The following PRCC variants were observed in gnomAD, a reference collection of about 807,000 sequenced individuals.
PRCC encodes proline-rich protein PRCC.
A neutral mutation model predicts 44.0 loss-of-function variants in PRCC; 10 were observed. The observed-to-expected ratio is 0.23, with a 90% CI of 0.14 to 0.39. The LOEUF (loss-of-function observed/expected upper bound fraction) is 0.39. Ranked by LOEUF, PRCC falls within the 10% of genes least tolerant of loss-of-function variation. PRCC has a pLI of 1.00. For synonymous variants in PRCC, 278 were observed against 259.5 expected (o/e 1.07, Z -0.69); for missense variants, 573 against 624.7 (o/e 0.92, Z 0.88).
Position 156,787,450 on chromosome 1 carries a change from GATATATATATATATAT to G in PRCC, c.1083+309_1083+324del, listed in dbSNP as rs57206380. Among the ~76,000 whole-genome samples the G allele has an allele frequency of 1.1e-3, 142 of 124,922 alleles. 2 individuals carry two copies. The highest frequency in any genetic ancestry group is 4.3e-3 in the African/African-American group (131 of 30,820). 82.0% of individuals were successfully genotyped at this position (124,922 alleles called of 152,430 possible). A position where few individuals can be genotyped will look rare whatever the true frequency, so the allele number is the denominator to read the frequency against. ...ATAATATTTGTACATATTTGTGATT[GATATATATATATATAT>G]ATATATATATATATATATATATATA... On this transcript the variant is annotated intron_variant, in intron 3 of 6. Transcript: ENST00000271526.
At chr1:156,788,501 T>C (rs1652355584) in intron 3 of PRCC, among the ~76,000 whole-genome samples, 2 of 152,206 alleles carry the variant, frequency 1.3e-5, no homozygotes, top group Admixed American at 6.5e-5. Context: ...TTATATTCCT[T>C]TGGGTATATA....
chr1:156,786,747 GA>G lies in PRCC; in HGVS notation c.657del (p.Arg219SerfsTer38). ...SDGSPDTKPS[R>X]LASKTKTSSL... is the part of the protein sequence containing the mutation. ...GGCTCCCCTGATACTAAGCCCTCCA[GA>G]CTGGCTTCTAAGACCAAGACTTCCT... On this transcript the variant is annotated frameshift_variant, in exon 3 of 7. Coordinates refer to ENST00000271526, the MANE Select transcript of PRCC (RefSeq NM_005973.5). LOFTEE classifies it high-confidence loss of function. 1 of 1,614,186 alleles carries G rather than the reference GA, an allele frequency of 6.2e-7. No homozygotes were observed. Among genetic ancestry groups the G allele is most frequent in the Non-Finnish European group, 8.5e-7 (1 of 1,180,036 alleles).
chr1:156,787,888 G>C (rs550222578), intron 3 of PRCC, among the ~76,000 whole-genome samples: 76 of 151,958 alleles, frequency 5.0e-4, no homozygotes, highest in African/African-American at 1.8e-3. Flanking sequence ...CTGGAGTGCA[G>C]TGGCACGATC....
intron 1 of PRCC, among the ~76,000 whole-genome samples, chr1:156,775,260 G>A (rs1558046460): frequency 6.6e-6 from 1 of 151,822 alleles, no homozygotes; most frequent in African/African-American, 2.4e-5. Flanking sequence ...AAAAAAAATT[G>A]TTTTTGTGTG....
At chr1:156,798,684 GTC>G (rs1244421667) in intron 6 of PRCC, among the ~76,000 whole-genome samples, 2 of 151,930 alleles carry the variant, frequency 1.3e-5, no homozygotes, top group Non-Finnish European at 2.9e-5. Flanking sequence ...GTGAAACCCT[GTC>G]TCTACTAAAA....
intron 5 of PRCC, 45 bp from the exon 6 acceptor site, chr1:156,797,231 T>G: frequency 1.2e-6 from 2 of 1,612,172 alleles, no homozygotes; most frequent in Non-Finnish European, 1.7e-6. Flanking sequence ...GAGAAACTTC[T>G]GCTTTCATCC....
intron 1 of PRCC, among the ~76,000 whole-genome samples, chr1:156,779,116 ATATATATATATATTTTTTTTTTTTTTT>A (rs1180414130): frequency 2.1e-4 from 4 of 18,702 alleles, no homozygotes; most frequent in Admixed American, 7.2e-4. Flanking sequence ...ATATATATAT[ATATATATATATATTTTTTTTTTTTTTT>A]TTTTTTTTTT....
intron 2 of PRCC, among the ~76,000 whole-genome samples, chr1:156,784,006 G>A (rs1298275533): frequency 6.6e-6 from 1 of 151,626 alleles, no homozygotes; most frequent in African/African-American, 2.4e-5. Flanking sequence ...GAGTGCAGTG[G>A]TGCGATCTTG....
intron 1 of PRCC, among the ~76,000 whole-genome samples, chr1:156,779,151 T>C (rs1029783535): frequency 1.4e-4 from 12 of 87,664 alleles, no homozygotes; most frequent in Non-Finnish European, 2.1e-4. Flanking sequence ...TTTTTTTTTT[T>C]TTTTTTTTCT....
intron 2 of PRCC, among the ~76,000 whole-genome samples, chr1:156,783,608 TG>T (rs1276457743): frequency 1.3e-5 from 2 of 152,046 alleles, no homozygotes; most frequent in East Asian, 3.9e-4. Context: ...TAGCCAGGCG[TG>T]GTGACAGGTG....
At chr1:156,786,500 G>A in intron 2 of PRCC, 108 bp from the exon 3 acceptor site, 1 of 1,181,330 alleles carries the variant, frequency 8.5e-7, no homozygotes, top group South Asian at 1.5e-5. Flanking sequence ...GGGCTGGTAA[G>A]ATTTTAGGCT....
In PRCC at chr1:156,795,285, G is replaced by GTTTTTTTTTTTTTGTTTT. The variant is rs1652623764; in HGVS notation, c.1323+490_1323+491insGTTTTTTTTTTTTTTTTT. 1.1e-4 allele frequency among the ~76,000 whole-genome samples: 4 copies of GTTTTTTTTTTTTTGTTTT among 36,054 alleles called. No individual in the cohort carries two copies. In the Admixed American group the frequency reaches 1.6e-3, roughly 15 times the overall value. The allele number at this position is 36,054 out of a possible 152,430, so 23.7% of individuals were successfully genotyped here. A position where few individuals can be genotyped will look rare whatever the true frequency, so the allele number is the denominator to read the frequency against. On this transcript the variant is annotated intron_variant, in intron 5 of 6. Coordinates refer to ENST00000271526, the MANE Select transcript of PRCC (RefSeq NM_005973.5). ...CTTCCAATTGTTTTCATTTTCTGGT[G>GTTTTTTTTTTTTTGTTTT]TTTTTTTTTTTTTTTTTTTTTTTTC...
At chr1:156,768,993 C>G (rs1651523778) in intron 1 of PRCC, among the ~76,000 whole-genome samples, 1 of 152,144 alleles carries the variant, frequency 6.6e-6, no homozygotes, top group Admixed American at 6.5e-5. Context: ...GGTACTGTTT[C>G]TAGAAGAGGC....
intron 1 of PRCC, among the ~76,000 whole-genome samples, chr1:156,781,616 TC>T (rs1482397437): frequency 6.6e-6 from 1 of 152,218 alleles, no homozygotes; most frequent in Non-Finnish European, 1.5e-5. Flanking sequence ...TTAGAAGCAA[TC>T]CTGATGAGTC....
Position 156,767,674 on chromosome 1 carries a change from C to A in PRCC, c.-98C>A. The A allele has an allele frequency of 7.7e-7, 1 of 1,297,966 alleles. No individual in the cohort carries two copies. Among genetic ancestry groups the A allele is most frequent in the Non-Finnish European group, 1.0e-6 (1 of 961,386 alleles). The allele number at this position is 1,297,966 out of a possible 1,614,324, so 80.4% of individuals were successfully genotyped here. ...GGAGCAGGCGGACTTTTCGGTTCCC[C>A]GCCCCGCCAGGTGGCGGGGCCTACT... On this transcript the variant is annotated 5_prime_UTR_variant, in exon 1 of 7. Coordinates refer to ENST00000271526, the MANE Select transcript of PRCC (RefSeq NM_005973.5).
chr1:156,774,424 C>T (rs1351212290), intron 1 of PRCC, among the ~76,000 whole-genome samples: 4 of 151,542 alleles, frequency 2.6e-5, no homozygotes, highest in East Asian at 3.9e-4. Context: ...CCGCCCGTCT[C>T]GGGCTCCCAA....
chr1:156,772,297 T>G (rs968012448), intron 1 of PRCC, among the ~76,000 whole-genome samples: 1 of 152,228 alleles, frequency 6.6e-6, no homozygotes, highest in African/African-American at 2.4e-5. Context: ...AATTCTGGTT[T>G]TCCTGGAGTG....
chr1:156,797,273 C>T lies in PRCC; in HGVS notation c.1324-3C>T, dbSNP rs1282723391. 6.8e-6 allele frequency: 11 copies of T among 1,614,048 alleles called. No individual in the cohort carries two copies. Among genetic ancestry groups the T allele is most frequent in the Non-Finnish European group, 9.3e-6 (11 of 1,179,918 alleles). On this transcript the variant is annotated splice_region_variant and splice_polypyrimidine_tract_variant and intron_variant, in intron 5 of 6. Coordinates refer to ENST00000271526, the MANE Select transcript of PRCC (RefSeq NM_005973.5). Reference sequence around the variant, plus strand: ...TTAATGAATATGTTTTCTTCTCTTGCAGAAGAAAGGTGAGCAGCCAACAGG... The same window carrying T: ...TTAATGAATATGTTTTCTTCTCTTGTAGAAGAAAGGTGAGCAGCCAACAGG...
In PRCC at chr1:156,791,983, G is replaced by A. The variant is rs866295409; in HGVS notation, c.1179+191G>A. 1.7e-4 allele frequency among the ~76,000 whole-genome samples: 25 copies of A among 151,016 alleles called. 1 individual carries two copies. Among genetic ancestry groups the A allele is most frequent in the African/African-American group, 6.1e-4 (25 of 41,118 alleles). ...AAGGAAGTTAGTTTTTTTCTTCATGGAAGAAGGATATGGGTAGGCAGGCCA... is the reference window on the plus strand; with the variant it reads ...AAGGAAGTTAGTTTTTTTCTTCATGAAAGAAGGATATGGGTAGGCAGGCCA... On this transcript the variant is annotated intron_variant, in intron 4 of 6. Transcript: ENST00000271526.
Sources: allele counts gnomAD v4.1 joint callset (sites outside exome capture counted in the v4.1 genomes callset), GRCh38; gene constraint gnomAD v4.1.1; transcripts MANE v1.5; gene names NCBI Gene and HGNC (gene_info 2026-07-23, HGNC 2026-07-21).